The following NRXN1 variants were observed in gnomAD, a reference collection of about 807,000 sequenced individuals.
The protein encoded by NRXN1 is neurexin-1.
In NRXN1, 39 loss-of-function variants were observed where a neutral mutation model predicts 150.9. The ratio of observed to expected loss-of-function variants is 0.26; its 90% CI spans 0.20 to 0.34. NRXN1 has a LOEUF of 0.34. NRXN1 is among the 10% of genes least tolerant of loss of function. The pLI, the probability that NRXN1 is intolerant of heterozygous loss-of-function variation, is 1.00. For synonymous variants in NRXN1, 924 were observed against 757.0 expected, an observed-to-expected ratio of 1.22 and a Z score of -3.62; for missense variants, 1,815 against 1,949.9, an observed-to-expected ratio of 0.93 and a Z score of 1.30.
rs138441852 is a variant in NRXN1, at chr2:50,071,732, G to C, written c.3719-16688C>G. ...TACAGAGATAATTTAAACGTAGTTTGAAATAATATATTGTTAGTTTATTCA... is the reference window on the plus strand; with the variant it reads ...TACAGAGATAATTTAAACGTAGTTTCAAATAATATATTGTTAGTTTATTCA... On this transcript the variant is annotated intron_variant, in intron 19 of 22. Coordinates refer to ENST00000401669, the MANE Select transcript of NRXN1 (RefSeq NM_001330078.2). Among the ~76,000 whole-genome samples the C allele has an allele frequency of 4.6e-5, 7 of 152,292 alleles. No homozygotes were observed. In the East Asian group the frequency reaches 1.3e-3, roughly 29 times the overall value.
At chr2:49,998,837 AT>A (rs1683427037) in intron 21 of NRXN1, among the ~76,000 whole-genome samples, 1 of 151,794 alleles carries the variant, frequency 6.6e-6, no homozygotes, top group South Asian at 2.1e-4. Flanking sequence ...CTGTTCATAA[AT>A]TTTTCTCTGT....
chr2:50,608,543 T>C (rs1677509864), intron 8 of NRXN1, among the ~76,000 whole-genome samples: 1 of 128,556 alleles, frequency 7.8e-6, no homozygotes, highest in Admixed American at 8.0e-5. Context: ...ATGTCCTTGT[T>C]TAAAAATTGT....
intron 13 of NRXN1, among the ~76,000 whole-genome samples, chr2:50,500,687 A>G (rs1481476813): frequency 6.6e-6 from 1 of 152,252 alleles, no homozygotes; most frequent in East Asian, 1.9e-4. Flanking sequence ...CAGATTGACA[A>G]TAATCTCCAA....
At chr2:50,285,242 T>C (rs2071980915) in intron 17 of NRXN1, among the ~76,000 whole-genome samples, 1 of 152,308 alleles carries the variant, frequency 6.6e-6, no homozygotes, top group East Asian at 1.9e-4. Context: ...ATTGCAAGCT[T>C]TATGAATTTT....
chr2:50,627,504 T>C (rs1454185068), intron 5 of NRXN1, among the ~76,000 whole-genome samples: 3 of 151,484 alleles, frequency 2.0e-5, no homozygotes, highest in Admixed American at 6.6e-5. Context: ...TGGTTATCTA[T>C]AAGAGAAAAA....
At chr2:50,789,612 G>A (rs532439385) in intron 5 of NRXN1, among the ~76,000 whole-genome samples, 4 of 152,230 alleles carry the variant, frequency 2.6e-5, no homozygotes, top group East Asian at 1.9e-4. Flanking sequence ...GAACAAACAC[G>A]CATTGATTTT....
chr2:50,274,248 C>T (rs900754043), intron 17 of NRXN1, among the ~76,000 whole-genome samples: 1 of 151,994 alleles, frequency 6.6e-6, no homozygotes, highest in Admixed American at 6.6e-5. Context: ...AAGCTGGAAA[C>T]CATCATTCTC....
intron 8 of NRXN1, among the ~76,000 whole-genome samples, chr2:50,577,709 A>AACAC (rs145366518): frequency 0.024 from 3,502 of 147,268 alleles, 72 homozygotes; most frequent in Middle Eastern, 0.066. Flanking sequence ...ACCTGACTGA[A>AACAC]ACACACACAC....
At chr2:50,508,563 G>A (rs914950884) in intron 12 of NRXN1, among the ~76,000 whole-genome samples, 3 of 151,992 alleles carry the variant, frequency 2.0e-5, no homozygotes, top group African/African-American at 7.2e-5. Flanking sequence ...TTTTTATAGG[G>A]AACTTTTTTT....
intron 2 of NRXN1, among the ~76,000 whole-genome samples, chr2:50,997,044 G>T (rs1021020315): frequency 6.6e-6 from 1 of 151,990 alleles, no homozygotes; most frequent in Non-Finnish European, 1.5e-5. Context: ...TTAAAAAACT[G>T]CAAGAAGGCA....
At chr2:50,013,364 A>C (rs944263828) in intron 21 of NRXN1, among the ~76,000 whole-genome samples, 1 of 147,828 alleles carries the variant, frequency 6.8e-6, no homozygotes, top group African/African-American at 2.5e-5. Context: ...AAATGATTTT[A>C]CTGGCTTCGT....
chr2:50,189,349 C>T (rs982135103), intron 18 of NRXN1, among the ~76,000 whole-genome samples: 2 of 151,786 alleles, frequency 1.3e-5, no homozygotes, highest in African/African-American at 4.8e-5. Flanking sequence ...GGGAATATCA[C>T]ACACCTGAGC....
At chr2:50,694,476 C>T (rs542087516) in intron 5 of NRXN1, among the ~76,000 whole-genome samples, 7 of 152,274 alleles carry the variant, frequency 4.6e-5, no homozygotes, top group African/African-American at 1.2e-4. Flanking sequence ...ATCTGTCCCT[C>T]TTTGTGTCTC....
chr2:50,795,165 G>A (rs1486539771), intron 5 of NRXN1, among the ~76,000 whole-genome samples: 1 of 152,044 alleles, frequency 6.6e-6, no homozygotes, highest in African/African-American at 2.4e-5. Context: ...ATTTTACACT[G>A]AGCATCAGGA....
Position 51,027,936 on chromosome 2 carries a change from G to C in NRXN1, c.338C>G (p.Ala113Gly), listed in dbSNP as rs201542547. The C allele has an allele frequency of 1.9e-6, 3 of 1,604,860 alleles. No individual in the cohort carries two copies. Among genetic ancestry groups the C allele is most frequent in the Non-Finnish European group, 2.5e-6 (3 of 1,179,662 alleles). ...LLADTPVNDG[A>G]WHSVRIRRQF... The stretch of plus-strand genomic sequence containing the variant: ...GCGGCGGATGCGCACGCTGTGCCAG[G>C]CGCCGTCGTTAACCGGCGTGTCGGC... The change falls in exon 2 of 23, where the codon GCC becomes GGC. Residue 113 changes from alanine to glycine, a missense_variant. By Grantham distance (60) the Ala-to-Gly change is moderately conservative. Transcript: ENST00000401669.
intron 17 of NRXN1, among the ~76,000 whole-genome samples, chr2:50,364,758 A>G (rs2079470057): frequency 1.3e-5 from 2 of 152,148 alleles, no homozygotes; most frequent in South Asian, 4.1e-4. Context: ...GCAACCAGAA[A>G]CAGTATGAAA....
chr2:50,760,557 T>C (rs1701688929), intron 5 of NRXN1, among the ~76,000 whole-genome samples: 2 of 151,988 alleles, frequency 1.3e-5, no homozygotes, highest in Non-Finnish European at 1.5e-5. Context: ...TATCGCCTTT[T>C]CTACTGCCAC....
intron 13 of NRXN1, among the ~76,000 whole-genome samples, chr2:50,503,679 AT>A (rs1252029577): frequency 6.6e-6 from 1 of 152,136 alleles, no homozygotes; most frequent in Non-Finnish European, 1.5e-5. Flanking sequence ...GAAAATAATC[AT>A]TTTTTGTAAC....
At chr2:50,794,599 C>A (rs944791498) in intron 5 of NRXN1, among the ~76,000 whole-genome samples, 3 of 152,078 alleles carry the variant, frequency 2.0e-5, no homozygotes, top group East Asian at 1.9e-4. Flanking sequence ...CAATTAAACA[C>A]AAGGAGCAAT....
Sources: allele counts gnomAD v4.1 joint callset (sites outside exome capture counted in the v4.1 genomes callset), GRCh38; gene constraint gnomAD v4.1.1; transcripts MANE v1.5; gene names NCBI Gene and HGNC (gene_info 2026-07-23, HGNC 2026-07-21).